NSMCE2: variants seen among roughly 807,000 people sequenced by gnomAD.
The protein encoded by NSMCE2 is NSE2 SUMO ligase component of SMC5/6 complex.
In NSMCE2, 24 loss-of-function variants were observed where a neutral mutation model predicts 23.8. The ratio of observed to expected loss-of-function variants is 1.01; its 90% CI spans 0.73 to 1.42. The LOEUF (loss-of-function observed/expected upper bound fraction) is 1.42. Ranked by LOEUF, NSMCE2 falls within the 40% of genes most tolerant of loss-of-function variation. The pLI is 0.00. For missense variants in NSMCE2, 284 were observed against 296.5 expected (o/e 0.96, Z 0.31); for synonymous variants, 92 against 94.1 (o/e 0.98, Z 0.13).
At chr8:125,340,609 A>C (rs1830214595) in intron 5 of NSMCE2, among the ~76,000 whole-genome samples, 1 of 152,136 alleles carries the variant, frequency 6.6e-6, no homozygotes, top group Admixed American at 6.5e-5. Flanking sequence ...TTTTGTCATT[A>C]GCTATTTTAC....
rs748324674 is a variant in NSMCE2 at position 125,366,867 on chromosome 8, A to T, written c.726A>T (p.Arg242Ser). 1.2e-6 allele frequency: 2 copies of T among 1,606,280 alleles called. No individual in the cohort carries two copies. Among genetic ancestry groups the T allele is most frequent in the East Asian group, 4.5e-5 (2 of 44,840 alleles). ...CAATTGAGAACCATAACAAGAAAAG[A>T]CATCGTCATTCCGAGTAGGAAAAGC... ...RRAIENHNKK[R>S]HRHSE The change falls in exon 8 of 8, where the codon AGA becomes AGT. Residue 242 changes from arginine (R) to serine (S), a missense_variant. Transcript: ENST00000287437.
intron 5 of NSMCE2, among the ~76,000 whole-genome samples, chr8:125,330,682 G>T (rs73704930): frequency 6.6e-6 from 1 of 152,066 alleles, no homozygotes; most frequent in Non-Finnish European, 1.5e-5. Context: ...TCGAATGTAC[G>T]CTAGGTACTA....
intron 5 of NSMCE2, among the ~76,000 whole-genome samples, chr8:125,351,848 C>A (rs1383909213): frequency 3.3e-5 from 5 of 151,960 alleles, no homozygotes; most frequent in Non-Finnish European, 7.4e-5. Context: ...CCCATCTCTA[C>A]TAAAAATACA....
intron 3 of NSMCE2, among the ~76,000 whole-genome samples, chr8:125,147,541 C>G (rs1258803568): frequency 9.9e-5 from 15 of 152,220 alleles, no homozygotes; most frequent in Non-Finnish European, 1.5e-5. Context: ...AGAAGGAAAT[C>G]CTTCTAGGCT....
intron 3 of NSMCE2, among the ~76,000 whole-genome samples, chr8:125,129,145 A>G (rs934487950): frequency 1.3e-5 from 2 of 152,182 alleles, no homozygotes; most frequent in African/African-American, 2.4e-5. Context: ...GAAGCCATAG[A>G]ATGAATGTTT....
At chr8:125,219,221 G>A (rs774588887) in intron 5 of NSMCE2, among the ~76,000 whole-genome samples, 13 of 152,120 alleles carry the variant, frequency 8.5e-5, no homozygotes, top group East Asian at 1.9e-4. Flanking sequence ...GTTGACTTTC[G>A]TACTTTCAGT....
intron 4 of NSMCE2, among the ~76,000 whole-genome samples, chr8:125,174,857 T>C (rs1822400137): frequency 6.6e-6 from 1 of 152,158 alleles, no homozygotes; most frequent in Admixed American, 6.5e-5. Context: ...TGCTAAATAA[T>C]GGCACTAGGA....
intron 7 of NSMCE2, among the ~76,000 whole-genome samples, chr8:125,359,199 G>A (rs1409441334): frequency 6.6e-6 from 1 of 150,450 alleles, no homozygotes; most frequent in Non-Finnish European, 1.5e-5. Flanking sequence ...CCCGGGAGGC[G>A]GAGCTTGCAG....
At chr8:125,306,029 T>A (rs1393834240) in intron 5 of NSMCE2, among the ~76,000 whole-genome samples, 1 of 152,186 alleles carries the variant, frequency 6.6e-6, no homozygotes, top group East Asian at 1.9e-4. Flanking sequence ...GTCATAGTAT[T>A]GAATAAGTTT....
chr8:125,186,421 G>A (rs777222252), intron 5 of NSMCE2, among the ~76,000 whole-genome samples: 5 of 151,904 alleles, frequency 3.3e-5, no homozygotes, highest in Non-Finnish European at 7.4e-5. Context: ...TTTTTTCCCT[G>A]AATACCATCC....
intron 7 of NSMCE2, among the ~76,000 whole-genome samples, chr8:125,358,424 A>T (rs1813380499): frequency 6.6e-6 from 1 of 150,666 alleles, no homozygotes; most frequent in South Asian, 2.1e-4. Context: ...CTTTATAAAT[A>T]GACATAATAT....
chr8:125,265,674 G>T (rs1197764051), intron 5 of NSMCE2, among the ~76,000 whole-genome samples: 2 of 152,138 alleles, frequency 1.3e-5, no homozygotes, highest in Non-Finnish European at 2.9e-5. Flanking sequence ...ATTTAATTCT[G>T]TAGGTCATAT....
At chr8:125,240,415 G>A (rs112610417) in intron 5 of NSMCE2, among the ~76,000 whole-genome samples, 49 of 152,280 alleles carry the variant, frequency 3.2e-4, no homozygotes, top group African/African-American at 1.1e-3. Flanking sequence ...GAGCCACCAC[G>A]CCTGGCTTAC....
intron 3 of NSMCE2, among the ~76,000 whole-genome samples, chr8:125,104,776 C>G (rs1218160277): frequency 6.6e-6 from 1 of 152,166 alleles, no homozygotes; most frequent in South Asian, 2.1e-4. Flanking sequence ...GTGGCTCCTA[C>G]CTGTAATCCC....
intron 5 of NSMCE2, among the ~76,000 whole-genome samples, chr8:125,227,065 G>A (rs908132193): frequency 6.6e-6 from 1 of 152,044 alleles, no homozygotes; most frequent in African/African-American, 2.4e-5. Context: ...AAACACCTGA[G>A]GCCACTCAGG....
chr8:125,227,049 A>G (rs1563730830), intron 5 of NSMCE2, among the ~76,000 whole-genome samples: 1 of 152,126 alleles, frequency 6.6e-6, no homozygotes, highest in Non-Finnish European at 1.5e-5. Context: ...TGTCTGGTGC[A>G]GTCTGAAACA....
intron 7 of NSMCE2, among the ~76,000 whole-genome samples, chr8:125,365,946 C>T (rs1210044051): frequency 7.9e-5 from 12 of 152,188 alleles, no homozygotes; most frequent in Non-Finnish European, 1.5e-4. Context: ...TTGCCTGGGT[C>T]GCTGCAGCCA....
intron 5 of NSMCE2, among the ~76,000 whole-genome samples, chr8:125,248,552 C>G (rs1826082757): frequency 6.6e-6 from 1 of 152,038 alleles, no homozygotes; most frequent in South Asian, 2.1e-4. Flanking sequence ...ACTTGGGAGG[C>G]TGAGGCAGGA....
intron 5 of NSMCE2, among the ~76,000 whole-genome samples, chr8:125,338,435 G>C (rs373537439): frequency 2.3e-4 from 35 of 152,102 alleles, no homozygotes; most frequent in African/African-American, 8.5e-4. Context: ...GAAAAGCTTT[G>C]TTCCTTTTGC....
Sources: gnomAD v4.1 joint callset for allele counts (sites outside exome capture counted in the v4.1 genomes callset) on GRCh38, gnomAD v4.1.1 for gene constraint, MANE v1.5 for transcripts, NCBI Gene and HGNC (gene_info 2026-07-23, HGNC 2026-07-21) for gene names.